SWT1: variants seen among roughly 807,000 people sequenced by gnomAD.
The protein encoded by SWT1 is transcriptional protein SWT1.
In SWT1, 33 loss-of-function variants were observed where a neutral mutation model predicts 107.3. That is an observed-to-expected ratio of 0.31 (90% CI 0.23 to 0.41). SWT1 has a LOEUF of 0.41. Among genes scored for constraint, SWT1 ranks in the 10% least tolerant of loss-of-function variants. The pLI is 1.00. For synonymous variants in SWT1, 345 were observed against 348.3 expected (o/e 0.99, Z 0.11); for missense variants, 898 against 1,028.9 (o/e 0.87, Z 1.74).
upstream of SWT1, chr1:185,157,112 G>C (rs577249969): frequency 2.0e-4 from 38 of 188,368 alleles, no homozygotes; most frequent in African/African-American, 8.7e-4. Context: ...GGCGGGGCCG[G>C]AGTTCAAGCC....
intron 16 of SWT1, among the ~76,000 whole-genome samples, chr1:185,237,225 C>T (rs1202103316): frequency 2.0e-5 from 3 of 152,194 alleles, no homozygotes; most frequent in Admixed American, 6.5e-5. Flanking sequence ...GACTATATGT[C>T]ATTCCACTAT....
At chr1:185,240,931 G>T (rs1001897648) in intron 16 of SWT1, among the ~76,000 whole-genome samples, 2 of 152,024 alleles carry the variant, frequency 1.3e-5, no homozygotes, top group Non-Finnish European at 2.9e-5. Context: ...TCTGGGAAAA[G>T]AAACCTTAAA....
chr1:185,209,429 G>T (rs187126856), intron 13 of SWT1, among the ~76,000 whole-genome samples: 1 of 152,192 alleles, frequency 6.6e-6, no homozygotes, highest in Admixed American at 6.5e-5. Flanking sequence ...CTGTGTCCAT[G>T]TGTTCTCATT....
chr1:185,248,967 G>A (rs1661808991), intron 16 of SWT1, among the ~76,000 whole-genome samples: 1 of 152,100 alleles, frequency 6.6e-6, no homozygotes, highest in Non-Finnish European at 1.5e-5. Flanking sequence ...GCTTAAAACA[G>A]TAACAACCAA....
At chr1:185,288,320 C>A (rs1455556567) in intron 18 of SWT1, among the ~76,000 whole-genome samples, 1 of 152,160 alleles carries the variant, frequency 6.6e-6, no homozygotes, top group Non-Finnish European at 1.5e-5. Flanking sequence ...CCTTCATGAT[C>A]CTGCTGCCTC....
chr1:185,281,881 A>G (rs1379223680), intron 18 of SWT1: 5 of 152,514 alleles, frequency 3.3e-5, no homozygotes, highest in African/African-American at 9.6e-5. Context: ...TGCTGCTAGA[A>G]GGTTCTTGCT....
intron 16 of SWT1, among the ~76,000 whole-genome samples, chr1:185,235,125 T>C (rs1660771993): frequency 6.6e-6 from 1 of 152,226 alleles, no homozygotes; most frequent in Admixed American, 6.5e-5. Context: ...AGCTGAATTC[T>C]ACCAGAGGTA....
At position 185,290,686 on chromosome 1, in the gene SWT1, C is replaced by T; in HGVS notation, c.2586C>T (p.Thr862=). The part of the protein sequence containing the change: ...VSQTEYREKL[T]IGCRQLVEME... ...CTTTTTCTCCTAGGGAAAAGTTAAC[C>T]ATTGGATGCCGCCAGCTGGTTGAGA... The change falls in exon 19 of 19, where the codon ACC becomes ACT. Residue 862 remains threonine, a synonymous_variant. Coordinates refer to ENST00000367500, the MANE Select transcript of SWT1 (RefSeq NM_017673.7). 9 of 1,572,136 alleles carry T rather than the reference C, an allele frequency of 5.7e-6. No homozygotes were observed. The highest frequency in any genetic ancestry group is 7.8e-6 in the Non-Finnish European group (9 of 1,156,320).
At chr1:185,239,443 A>G (rs11801538) in intron 16 of SWT1, among the ~76,000 whole-genome samples, 134 of 152,250 alleles carry the variant, frequency 8.8e-4, no homozygotes, top group African/African-American at 3.1e-3. Context: ...TTAGTGGAGC[A>G]GTTGTCGGTA....
At chr1:185,266,095 G>A (rs1398281961) in intron 16 of SWT1, among the ~76,000 whole-genome samples, 6 of 151,568 alleles carry the variant, frequency 4.0e-5, no homozygotes, top group East Asian at 1.9e-4. Context: ...ATGGAGTCTC[G>A]CTCAGTTGCC....
At chr1:185,243,231 C>T (rs537416402) in intron 16 of SWT1, among the ~76,000 whole-genome samples, 3 of 152,236 alleles carry the variant, frequency 2.0e-5, no homozygotes, top group Non-Finnish European at 4.4e-5. Flanking sequence ...ACCTCAGCCT[C>T]TGGAGTACTT....
intron 16 of SWT1, among the ~76,000 whole-genome samples, chr1:185,237,557 G>C (rs1226981447): frequency 6.6e-6 from 1 of 152,096 alleles, no homozygotes; most frequent in Non-Finnish European, 1.5e-5. Context: ...GTCAGGGTGG[G>C]GTCTAGGGGA....
At chr1:185,183,543 A>T (rs1467610706) in intron 7 of SWT1, among the ~76,000 whole-genome samples, 7 of 152,122 alleles carry the variant, frequency 4.6e-5, no homozygotes, top group Admixed American at 6.6e-5. Flanking sequence ...TCGGCCTCTC[A>T]AAGTGCTGGG....
intron 10 of SWT1, among the ~76,000 whole-genome samples, chr1:185,199,802 T>A (rs1657714070): frequency 6.6e-6 from 1 of 152,342 alleles, no homozygotes; most frequent in South Asian, 2.1e-4. Flanking sequence ...TCCTGCTAGG[T>A]TGGGGAAGTT....
chr1:185,193,676 A>G (rs1053555723), intron 10 of SWT1, among the ~76,000 whole-genome samples: 8 of 152,092 alleles, frequency 5.3e-5, no homozygotes, highest in Non-Finnish European at 1.2e-4. Context: ...CATGTTGGCC[A>G]GGATGATCTT....
intron 18 of SWT1, among the ~76,000 whole-genome samples, chr1:185,287,246 A>G (rs1272266217): frequency 6.6e-6 from 1 of 152,176 alleles, no homozygotes; most frequent in South Asian, 2.1e-4. Flanking sequence ...TTTAAATTGT[A>G]TGATAAAATT....
At chr1:185,274,770 A>G (rs1020920486) in intron 17 of SWT1, among the ~76,000 whole-genome samples, 2 of 152,206 alleles carry the variant, frequency 1.3e-5, no homozygotes, top group Non-Finnish European at 2.9e-5. Context: ...TTTCCCCTGG[A>G]AATTAAAATT....
intron 10 of SWT1, among the ~76,000 whole-genome samples, chr1:185,196,571 T>A (rs1046569777): frequency 2.0e-5 from 3 of 152,234 alleles, no homozygotes; most frequent in African/African-American, 7.2e-5. Context: ...TAAATTACTT[T>A]GGGCATTGTG....
intron 13 of SWT1, among the ~76,000 whole-genome samples, 189 bp from the exon 14 acceptor site, chr1:185,214,318 A>C (rs909524609): frequency 6.6e-6 from 1 of 152,196 alleles, no homozygotes; most frequent in Admixed American, 6.5e-5. Context: ...GAATCAACTC[A>C]AAGGACTTTA....
Sources: gnomAD v4.1 joint callset for allele counts (sites outside exome capture counted in the v4.1 genomes callset) on GRCh38, gnomAD v4.1.1 for gene constraint, MANE v1.5 for transcripts, NCBI Gene and HGNC (gene_info 2026-07-23, HGNC 2026-07-21) for gene names.